B3GLCT: variants seen among roughly 807,000 people sequenced by gnomAD.
The protein encoded by B3GLCT is beta-1,3-glucosyltransferase.
Under a neutral mutation model 63.4 loss-of-function variants are expected in B3GLCT, and 65 were observed. That is an observed-to-expected ratio of 1.03 (90% CI 0.84 to 1.26). B3GLCT has a LOEUF of 1.26. Among genes scored for constraint, B3GLCT ranks in the 50% most tolerant of loss-of-function variants. The pLI is 0.00. For synonymous variants in B3GLCT, 233 were observed against 219.2 expected (o/e 1.06, Z -0.55); for missense variants, 577 against 604.8 (o/e 0.95, Z 0.48).
At chr13:31,276,993 G>A (rs1007637830) in intron 10 of B3GLCT, among the ~76,000 whole-genome samples, 39 of 152,114 alleles carry the variant, frequency 2.6e-4, no homozygotes, top group Middle Eastern at 3.2e-3. Context: ...GGTCATAGCC[G>A]ATACTGCTTA....
At chr13:31,212,913 G>T (rs896341804) in intron 1 of B3GLCT, among the ~76,000 whole-genome samples, 2 of 152,160 alleles carry the variant, frequency 1.3e-5, no homozygotes, top group African/African-American at 4.8e-5. Flanking sequence ...TAGCTTAGAG[G>T]TAAATAAAAT....
chr13:31,321,091 C>A (rs1409126038), intron 13 of B3GLCT, among the ~76,000 whole-genome samples: 1 of 152,124 alleles, frequency 6.6e-6, no homozygotes, highest in Non-Finnish European at 1.5e-5. Flanking sequence ...TCGTTATTTC[C>A]TCGCTTCTTA....
chr13:31,279,440 G>T (rs1872954126), intron 10 of B3GLCT, among the ~76,000 whole-genome samples: 2 of 152,040 alleles, frequency 1.3e-5, no homozygotes, highest in Admixed American at 6.6e-5. Context: ...TTTAAAGCTG[G>T]GTGTCCGGGG....
rs533422138 is a variant in B3GLCT at position 31,251,372 on chromosome 13, G to A, written c.459+3406G>A. ...AAACTGGATGGAGAATGAGTTTGAC[G>A]AATTGACAGAAGTAGGCTTCCGAAG... On this transcript the variant is annotated intron_variant, in intron 6 of 14. Transcript: ENST00000343307. Among the ~76,000 whole-genome samples the A allele has an allele frequency of 7.2e-5, 11 of 152,286 alleles. No individual in the cohort carries two copies. The East Asian group carries it at 9.7e-4, about 13-fold the overall frequency.
chr13:31,258,050 G>A (rs1354823066), intron 6 of B3GLCT, among the ~76,000 whole-genome samples: 2 of 152,238 alleles, frequency 1.3e-5, no homozygotes, highest in Middle Eastern at 3.4e-3. Context: ...AGGGAGTAAG[G>A]GATGCATTGG....
intron 10 of B3GLCT, among the ~76,000 whole-genome samples, chr13:31,280,974 T>C (rs1873040717): frequency 6.6e-6 from 1 of 152,180 alleles, no homozygotes; most frequent in Non-Finnish European, 1.5e-5. Context: ...AGCAAGGAAA[T>C]GATCTCTGGT....
At position 31,200,035 on chromosome 13, in the gene B3GLCT, G is replaced by T; in HGVS notation, c.-50G>T. ...GCAGCGGCGCAGCTCCGCTCCCCGC[G>T]CGTCTCCCTTCCCCGCGCCCAGGTA... On this transcript the variant is annotated 5_prime_UTR_variant, in exon 1 of 15. Coordinates refer to ENST00000343307, the MANE Select transcript of B3GLCT (RefSeq NM_194318.4). 8.2e-7 allele frequency: 1 copy of T among 1,223,368 alleles called. No homozygotes were observed. The highest frequency in any genetic ancestry group is 1.0e-6 in the Non-Finnish European group (1 of 954,108). 75.8% of individuals were successfully genotyped at this position (1,223,368 alleles called of 1,614,324 possible).
intron 3 of B3GLCT, among the ~76,000 whole-genome samples, chr13:31,227,340 T>A (rs913567985): frequency 6.6e-6 from 1 of 152,124 alleles, no homozygotes; most frequent in Non-Finnish European, 1.5e-5. Context: ...AAAAAAAAAA[T>A]TATTCTCTGA....
At chr13:31,259,481 G>C (rs913829170) in intron 6 of B3GLCT, among the ~76,000 whole-genome samples, 26 of 151,842 alleles carry the variant, frequency 1.7e-4, no homozygotes, top group Non-Finnish European at 2.5e-4. Flanking sequence ...CGGCACTACA[G>C]TACTGCTAAA....
intron 1 of B3GLCT, among the ~76,000 whole-genome samples, chr13:31,214,402 A>T (rs2137745212): frequency 6.6e-6 from 1 of 152,334 alleles, no homozygotes; most frequent in East Asian, 1.9e-4. Context: ...CAGAGCCTAA[A>T]TGTGGCTCTA....
At chr13:31,261,121 G>A (rs780178206) in intron 7 of B3GLCT, 39 bp downstream of exon 7, 1 of 1,580,474 alleles carries the variant, frequency 6.3e-7, no homozygotes, top group East Asian at 2.2e-5. Flanking sequence ...GGCGGGAGGG[G>A]TGTGCATCAA....
intron 12 of B3GLCT, among the ~76,000 whole-genome samples, chr13:31,304,150 C>T (rs1874324100): frequency 1.0e-5 from 1 of 99,818 alleles, no homozygotes; most frequent in Non-Finnish European, 2.0e-5. Flanking sequence ...CGCCACCAGG[C>T]CTGCCCTAAA....
At chr13:31,326,689 T>C (rs1159711320) in intron 14 of B3GLCT, among the ~76,000 whole-genome samples, 1 of 152,160 alleles carries the variant, frequency 6.6e-6, no homozygotes, top group Non-Finnish European at 1.5e-5. Flanking sequence ...CCTGCCTGTT[T>C]GGGATTTCCT....
intron 6 of B3GLCT, among the ~76,000 whole-genome samples, chr13:31,254,110 T>C (rs1871590722): frequency 6.6e-6 from 1 of 152,210 alleles, no homozygotes; most frequent in African/African-American, 2.4e-5. Context: ...AAAGAGGAGC[T>C]GGTACCATTC....
At position 31,290,704 on chromosome 13, in the gene B3GLCT, GT is replaced by G. The variant is rs1251205603; in HGVS notation, c.1064+3887del. On this transcript the variant is annotated intron_variant, in intron 12 of 14. Coordinates refer to ENST00000343307, the MANE Select transcript of B3GLCT (RefSeq NM_194318.4). ...TATCCTTTGTCCACTTTTTGATGGG[GT>G]TGTTTGTATTTTTCTTGTAAATTTG... 1.2e-4 allele frequency among the ~76,000 whole-genome samples: 18 copies of G among 152,248 alleles called. No individual in the cohort carries two copies. The East Asian group carries it at 2.1e-3, about 18-fold the overall frequency.
intron 12 of B3GLCT, among the ~76,000 whole-genome samples, chr13:31,293,546 C>G (rs1230615135): frequency 6.6e-6 from 1 of 152,098 alleles, no homozygotes; most frequent in African/African-American, 2.4e-5. Context: ...ATCCCTTTAC[C>G]ATTATGTAAT....
At chr13:31,272,152 G>A (rs1872595939) in intron 8 of B3GLCT, among the ~76,000 whole-genome samples, 1 of 150,582 alleles carries the variant, frequency 6.6e-6, no homozygotes. Context: ...TATGTTGATT[G>A]TAATTACTGA....
intron 2 of B3GLCT, among the ~76,000 whole-genome samples, chr13:31,217,629 A>G (rs1869622278): frequency 1.3e-5 from 2 of 152,202 alleles, no homozygotes. Context: ...TGGTGTAAGG[A>G]AGGGGTCCAG....
chr13:31,269,292 G>C lies in B3GLCT; in HGVS notation c.660+15G>C, dbSNP rs1348053504. ...TAAAACATGAGGTATGTCATGTTTT[G>C]TTTGATTAAAAATCTTACTAATCAA... On this transcript the variant is annotated intron_variant, in intron 8 of 14. Transcript: ENST00000343307. 1 of 1,572,372 alleles carries C rather than the reference G, an allele frequency of 6.4e-7. No homozygotes were observed. The highest frequency in any genetic ancestry group is 1.7e-5 in the Admixed American group (1 of 59,766).
Sources: allele counts gnomAD v4.1 joint callset (sites outside exome capture counted in the v4.1 genomes callset), GRCh38; gene constraint gnomAD v4.1.1; transcripts MANE v1.5; gene names NCBI Gene and HGNC (gene_info 2026-07-23, HGNC 2026-07-21).